PIK3R5: variants seen among roughly 807,000 people sequenced by gnomAD.
PIK3R5 encodes phosphoinositide-3-kinase regulatory subunit 5, also known as phosphoinositide 3-kinase regulatory subunit 5.
In PIK3R5, 32 loss-of-function variants were observed where a neutral mutation model predicts 94.9. That is an observed-to-expected ratio of 0.34 (90% CI 0.25 to 0.45). The LOEUF (loss-of-function observed/expected upper bound fraction) is 0.45. Among genes scored for constraint, PIK3R5 ranks in the 20% least tolerant of loss-of-function variants. PIK3R5 has a pLI of 1.00. For synonymous variants in PIK3R5, 443 were observed against 479.4 expected, an observed-to-expected ratio of 0.92 and a Z score of 0.99; for missense variants, 853 against 1,144.6, an observed-to-expected ratio of 0.75 and a Z score of 3.68.
chr17:8,898,953 G>A (rs2090215351), intron 5 of PIK3R5, among the ~76,000 whole-genome samples: 2 of 152,216 alleles, frequency 1.3e-5, no homozygotes, highest in Non-Finnish European at 2.9e-5. Flanking sequence ...TACAGGCAAG[G>A]TGCAATCCTT....
chr17:8,956,387 C>A (rs1028894343), intron 1 of PIK3R5, among the ~76,000 whole-genome samples: 6 of 152,026 alleles, frequency 3.9e-5, no homozygotes, highest in African/African-American at 1.2e-4. Flanking sequence ...AAGGTGGCAC[C>A]ATGAGGGAAG....
rs189173837 is a variant in PIK3R5, at chr17:8,955,696, A to C, written c.-14+9900T>G. ...GTGAGAGAAACAAGAGCCATGGAGA[A>C]AGGAAGCACCATCAAAACGGGCTGG... On this transcript the variant is annotated intron_variant, in intron 1 of 18. Coordinates refer to ENST00000447110, the MANE Select transcript of PIK3R5 (RefSeq NM_001142633.3). This position sits in a 1 kb window ranked among gnomAD's most constrained non-coding sequence, Gnocchi z 4.4. 4.6e-5 allele frequency among the ~76,000 whole-genome samples: 7 copies of C among 152,274 alleles called. No homozygotes were observed. In the East Asian group the frequency reaches 1.4e-3, roughly 29 times the overall value.
Position 8,896,967 on chromosome 17 carries a change from C to T in PIK3R5, c.413-3312G>A, listed in dbSNP as rs2090164655. On this transcript the variant is annotated intron_variant, in intron 5 of 18. Coordinates refer to ENST00000447110, the MANE Select transcript of PIK3R5 (RefSeq NM_001142633.3). The surrounding 1 kb of genome is among the most constrained non-coding windows in gnomAD (Gnocchi z 4.0). ...CTCCAGCAACTATGATTAATATCAA[C>T]TCATGGTGGACAGTTTGACCTACCT... Among the ~76,000 whole-genome samples, 1 of 152,230 alleles carries T rather than the reference C, an allele frequency of 6.6e-6. No individual in the cohort carries two copies. Among genetic ancestry groups the T allele is most frequent in the Non-Finnish European group, 1.5e-5 (1 of 68,048 alleles).
Position 8,961,032 on chromosome 17 carries a change from T to C in PIK3R5, c.-14+4564A>G, listed in dbSNP as rs186915729. ...TCCCCCTGTAGGCCTGGGCGGTCAG[T>C]GCTATGGTGCGAAGACATAGAAAGC... On this transcript the variant is annotated intron_variant, in intron 1 of 18. Coordinates refer to ENST00000447110, the MANE Select transcript of PIK3R5 (RefSeq NM_001142633.3). Among the ~76,000 whole-genome samples the C allele has an allele frequency of 3.1e-3, 476 of 152,040 alleles. 9 individuals carry two copies. The highest frequency in any genetic ancestry group is 0.019 in the Admixed American group (287 of 15,266).
chr17:8,894,738 G>A (rs1041546558), intron 5 of PIK3R5, among the ~76,000 whole-genome samples: 3 of 152,124 alleles, frequency 2.0e-5, no homozygotes, highest in Non-Finnish European at 4.4e-5. Context: ...AGGGGCTGGG[G>A]ACCCAGCGGG....
intron 5 of PIK3R5, among the ~76,000 whole-genome samples, chr17:8,901,837 G>A (rs2090290395): frequency 6.6e-6 from 1 of 152,090 alleles, no homozygotes; most frequent in Non-Finnish European, 1.5e-5. Flanking sequence ...ACTCAACCAT[G>A]TTCAATATTT....
chr17:8,913,220 C>A (rs1483326310), intron 1 of PIK3R5, among the ~76,000 whole-genome samples: 1 of 152,150 alleles, frequency 6.6e-6, no homozygotes, highest in East Asian at 1.9e-4. Context: ...GATGAGGAAG[C>A]CAGGGCAAAT....
chr17:8,888,033 AATAATAATAAT>A lies in PIK3R5; in HGVS notation c.1616+127_1616+137del, dbSNP rs2151367532. 4.5e-6 allele frequency: 1 copy of A among 224,466 alleles called. No homozygotes were observed. Among genetic ancestry groups the A allele is most frequent in the East Asian group, 1.0e-4 (1 of 9,812 alleles). The allele number at this position is 224,466 out of a possible 1,614,324, so 13.9% of individuals were successfully genotyped here. A position where few individuals can be genotyped will look rare whatever the true frequency, so the allele number is the denominator to read the frequency against. On this transcript the variant is annotated intron_variant, in intron 10 of 18. Transcript: ENST00000447110. This position sits in a 1 kb window ranked among gnomAD's most constrained non-coding sequence, Gnocchi z 7.8. The stretch of plus-strand genomic sequence containing the variant: ...TAATAATAATAATAATAATAATAAT[AATAATAATAAT>A]AATAAAATAAAAATAAATAAGGGAA...
chr17:8,964,282 C>T (rs2091622749), intron 1 of PIK3R5, among the ~76,000 whole-genome samples: 1 of 151,986 alleles, frequency 6.6e-6, no homozygotes, highest in Non-Finnish European at 1.5e-5. Flanking sequence ...ATCCCAGCTA[C>T]TTGGGAGGCG....
Position 8,942,834 on chromosome 17 carries a change from C to A in PIK3R5, c.-14+22762G>T, listed in dbSNP as rs2151459303. On this transcript the variant is annotated intron_variant, in intron 1 of 18. Transcript: ENST00000447110. ...TGTTAGCCAGGATGGTCTCGATCTC[C>A]TGACCTCATGATCCGCCCGCCTCGG... 1.3e-5 allele frequency among the ~76,000 whole-genome samples: 2 copies of A among 152,118 alleles called. 1 individual carries two copies. The highest frequency in any genetic ancestry group is 4.2e-4 in the South Asian group (2 of 4,818).
At chr17:8,886,866 C>T (rs61761072) in intron 12 of PIK3R5, among the ~76,000 whole-genome samples, 4,030 of 152,210 alleles carry the variant, frequency 0.026, 232 homozygotes, top group African/African-American at 0.092. Context: ...TGAGGTCCCC[C>T]GGACCCTTCT....
At chr17:8,929,142 G>A (rs888624313) in intron 1 of PIK3R5, among the ~76,000 whole-genome samples, 10 of 152,110 alleles carry the variant, frequency 6.6e-5, no homozygotes, top group African/African-American at 2.4e-4. Context: ...TCTAAAGAAT[G>A]TTCAGTTAGT....
rs568256651 is a variant in PIK3R5 at position 8,893,481 on chromosome 17, G to C, written c.482+105C>G. On this transcript the variant is annotated intron_variant, in intron 6 of 18. Transcript: ENST00000447110. The surrounding 1 kb of genome is among the most constrained non-coding windows in gnomAD (Gnocchi z 5.1). ...TTGTTGCTGGCTGGGGTGGACAGGGGGTGGGGGCACTGGATGTTTGAGTGG... is the reference window on the plus strand; with the variant it reads ...TTGTTGCTGGCTGGGGTGGACAGGGCGTGGGGGCACTGGATGTTTGAGTGG... 3 of 883,500 alleles carry C rather than the reference G, an allele frequency of 3.4e-6. No individual in the cohort carries two copies. The highest frequency in any genetic ancestry group is 2.5e-5 in the East Asian group (1 of 40,352). The allele number at this position is 883,500 out of a possible 1,614,324, so 54.7% of individuals were successfully genotyped here. A position where few individuals can be genotyped will look rare whatever the true frequency, so the allele number is the denominator to read the frequency against.
chr17:8,927,569 C>A (rs1363434730), intron 1 of PIK3R5, among the ~76,000 whole-genome samples: 1 of 152,198 alleles, frequency 6.6e-6, no homozygotes, highest in Non-Finnish European at 1.5e-5. Flanking sequence ...AGCAGGGAGT[C>A]AAGACTTTTA....
Position 8,880,399 on chromosome 17 carries a change from C to T in PIK3R5, c.*240G>A. 1 of 423,780 alleles carries T rather than the reference C, an allele frequency of 2.4e-6. No individual in the cohort carries two copies. The highest frequency in any genetic ancestry group is 4.2e-6 in the Non-Finnish European group (1 of 239,486). The allele number at this position is 423,780 out of a possible 1,614,324, so 26.3% of individuals were successfully genotyped here. A position where few individuals can be genotyped will look rare whatever the true frequency, so the allele number is the denominator to read the frequency against. ...GGTCAATTTACCCATCCTTCTCCTT[C>T]TACTGCCAGGAATCTAAGAGGCTAT... On this transcript the variant is annotated 3_prime_UTR_variant, in exon 19 of 19. Transcript: ENST00000447110.
chr17:8,917,143 A>C (rs183481356), intron 1 of PIK3R5, among the ~76,000 whole-genome samples: 2 of 152,332 alleles, frequency 1.3e-5, no homozygotes, highest in East Asian at 3.9e-4. Flanking sequence ...AGGATACACC[A>C]GAAATTAAGG....
intron 1 of PIK3R5, among the ~76,000 whole-genome samples, chr17:8,926,836 A>AT (rs2090893052): frequency 6.6e-6 from 1 of 152,154 alleles, no homozygotes; most frequent in Non-Finnish European, 1.5e-5. Context: ...AATAGGAATA[A>AT]TTTTTATTTT....
chr17:8,904,620 C>T lies in PIK3R5; in HGVS notation c.412+157G>A, dbSNP rs892022680. On this transcript the variant is annotated intron_variant, in intron 5 of 18. Transcript: ENST00000447110. The surrounding 1 kb of genome is among the most constrained non-coding windows in gnomAD (Gnocchi z 5.1). ...TTCAACCATCAGATGCTTGATGGTG[C>T]TGTGAAGAGGAGACTCCATGTTTGT... Among the ~76,000 whole-genome samples, 2 of 152,130 alleles carry T rather than the reference C, an allele frequency of 1.3e-5. No homozygotes were observed. The highest frequency in any genetic ancestry group is 4.8e-5 in the African/African-American group (2 of 41,410).
Position 8,889,120 on chromosome 17 carries a change from C to T in PIK3R5, c.895+19G>A, listed in dbSNP as rs1375568612. 4 of 1,609,526 alleles carry T rather than the reference C, an allele frequency of 2.5e-6. No individual in the cohort carries two copies. The African/African-American group carries it at 4.0e-5, about 16-fold the overall frequency. On this transcript the variant is annotated intron_variant, in intron 9 of 18. Transcript: ENST00000447110. This position sits in a 1 kb window ranked among gnomAD's most constrained non-coding sequence, Gnocchi z 4.1. ...AGGCAGTGTGGGGCATGGGTGTCAC[C>T]AGGGCCCCGGCTCCTTACCAAAGCT...
Sources: allele counts gnomAD v4.1 joint callset (sites outside exome capture counted in the v4.1 genomes callset), GRCh38; gene constraint gnomAD v4.1.1; non-coding constraint Gnocchi (gnomAD v3.1); transcripts MANE v1.5; gene names NCBI Gene and HGNC (gene_info 2026-07-23, HGNC 2026-07-21).